CDH17: variants seen among roughly 807,000 people sequenced by gnomAD.
CDH17 encodes cadherin-17.
In CDH17, 67 loss-of-function variants were observed where a neutral mutation model predicts 86.3. The observed-to-expected ratio is 0.78, with a 90% confidence interval of 0.64 to 0.95. The LOEUF is 0.95. Among genes scored for constraint, CDH17 ranks in the 40% least tolerant of loss-of-function variants. CDH17 has a pLI of 0.00. For missense variants in CDH17, 993 were observed against 1,017.6 expected, an observed-to-expected ratio of 0.98 and a Z score of 0.33; for synonymous variants, 367 against 366.4, an observed-to-expected ratio of 1.00 and a Z score of -0.02.
At chr8:94,178,837 A>C (rs1813422084) in intron 3 of CDH17, among the ~76,000 whole-genome samples, 2 of 152,076 alleles carry the variant, frequency 1.3e-5, no homozygotes, top group South Asian at 4.1e-4. Context: ...TTGCTTGTTG[A>C]TATTATATTG....
At chr8:94,145,428 T>C (rs889055359) in intron 15 of CDH17, among the ~76,000 whole-genome samples, 5 of 152,090 alleles carry the variant, frequency 3.3e-5, no homozygotes, top group African/African-American at 1.2e-4. Context: ...ATGAAAACTA[T>C]AGTAATGGAA....
Position 94,181,661 on chromosome 8 carries a change from G to A in CDH17, c.151-3940C>T, listed in dbSNP as rs1311069895. 2.6e-5 allele frequency among the ~76,000 whole-genome samples: 4 copies of A among 151,502 alleles called. 1 individual carries two copies. The highest frequency in any genetic ancestry group is 2.6e-4 in the Admixed American group (4 of 15,202). On this transcript the variant is annotated intron_variant, in intron 3 of 17. Coordinates refer to ENST00000027335, the MANE Select transcript of CDH17 (RefSeq NM_004063.4). ...AGTACTTAGAGGAAAATCTATCACT[G>A]TAAATGTTCATACTTTACAAAGATG...
At chr8:94,148,620 T>C in intron 14 of CDH17, 124 bp downstream of exon 14, 1 of 666,092 alleles carries the variant, frequency 1.5e-6, no homozygotes, top group Admixed American at 3.5e-5. Context: ...TCCTTCCACT[T>C]TAAGGTTGTG....
At chr8:94,198,554 C>T (rs2130676611) in intron 1 of CDH17, among the ~76,000 whole-genome samples, 1 of 152,264 alleles carries the variant, frequency 6.6e-6, no homozygotes, top group South Asian at 2.1e-4. Context: ...AAAATATAGG[C>T]AATAATGACA....
chr8:94,149,885 C>T (rs986731558), intron 13 of CDH17, among the ~76,000 whole-genome samples: 3 of 152,168 alleles, frequency 2.0e-5, no homozygotes, highest in African/African-American at 7.2e-5. Flanking sequence ...AAAAGCAACA[C>T]ATCATAGTCA....
Position 94,152,039 on chromosome 8 carries a change from C to T in CDH17, c.1625G>A (p.Gly542Asp). Residue 542 changes from glycine to aspartate, a missense_variant, in exon 13 of 18, where the codon GGT becomes GAT. Gly to Asp is a moderately conservative substitution (Grantham distance 94). Transcript: ENST00000027335. ...KAENPEPLVF[G>D]VKYNASSFAK... ...AAAAGAACTTGCATTGTACTTCACA[C>T]CAAACACTAGAGGCTCAGGATTTTC... is the stretch of plus-strand genomic sequence containing the variant. 6.2e-7 allele frequency: 1 copy of T among 1,614,158 alleles called. No homozygotes were observed. The highest frequency in any genetic ancestry group is 8.5e-7 in the Non-Finnish European group (1 of 1,180,030).
chr8:94,159,991 C>T lies in CDH17; in HGVS notation c.1531G>A (p.Gly511Arg). 3.7e-6 allele frequency: 6 copies of T among 1,607,520 alleles called. No homozygotes were observed. The highest frequency in any genetic ancestry group is 1.1e-5 in the South Asian group (1 of 89,072). The part of the protein sequence containing the change: ...GVDTDPHTNT[G>R]YVIIKKPLDF... ...TTTACCTTTTTAATTATGACATATC[C>T]GGTGTTGGTATGGGGATCTGTGTCA... is the stretch of plus-strand genomic sequence containing the variant. Residue 511 changes from glycine to arginine, a missense_variant, in exon 12 of 18, where the codon GGA becomes AGA. Gly to Arg is a moderately radical substitution (Grantham distance 125). Transcript: ENST00000027335.
chr8:94,133,634 T>A (rs888755536), intron 15 of CDH17, among the ~76,000 whole-genome samples: 1 of 152,240 alleles, frequency 6.6e-6, no homozygotes, highest in Non-Finnish European at 1.5e-5. Context: ...CTTTTCCTAA[T>A]TGAATACCCT....
At chr8:94,172,968 A>G (rs1813297589) in intron 7 of CDH17, among the ~76,000 whole-genome samples, 1 of 152,144 alleles carries the variant, frequency 6.6e-6, no homozygotes, top group Non-Finnish European at 1.5e-5. Context: ...TAAGATGGGC[A>G]AGTCTATTGG....
chr8:94,193,184 T>C (rs1813719625), intron 2 of CDH17, among the ~76,000 whole-genome samples: 1 of 152,170 alleles, frequency 6.6e-6, no homozygotes, highest in Non-Finnish European at 1.5e-5. Context: ...AACCTTATTT[T>C]CACCTTTCAT....
intron 3 of CDH17, among the ~76,000 whole-genome samples, chr8:94,185,276 T>TACACACACACAC (rs71277462): frequency 6.6e-5 from 9 of 136,760 alleles, no homozygotes; most frequent in African/African-American, 2.4e-4. Flanking sequence ...CCTACCCCAA[T>TACACACACACAC]ACACACACAC....
intron 13 of CDH17, among the ~76,000 whole-genome samples, chr8:94,151,397 G>A (rs899518619): frequency 1.3e-5 from 2 of 152,172 alleles, no homozygotes; most frequent in Non-Finnish European, 2.9e-5. Flanking sequence ...TTGGAGCCAA[G>A]GAACCTATGT....
At chr8:94,148,040 G>C (rs1250070563) in intron 14 of CDH17, among the ~76,000 whole-genome samples, 1 of 152,176 alleles carries the variant, frequency 6.6e-6, no homozygotes, top group Non-Finnish European at 1.5e-5. Flanking sequence ...TACAATTTAA[G>C]GCTGAAGGAG....
At chr8:94,183,895 C>G (rs542980720) in intron 3 of CDH17, among the ~76,000 whole-genome samples, 3 of 151,982 alleles carry the variant, frequency 2.0e-5, no homozygotes, top group Middle Eastern at 3.4e-3. Context: ...TAAAAGTAGG[C>G]AAAGGATTTG....
rs770797386 is a variant in CDH17, at chr8:94,146,282, C to T, written c.1928-115G>A. The T allele has an allele frequency of 2.8e-5, 26 of 928,476 alleles. No individual in the cohort carries two copies. In the Admixed American group the frequency reaches 3.6e-4, roughly 13 times the overall value. 57.5% of individuals were successfully genotyped at this position (928,476 alleles called of 1,614,324 possible). ...TAGGTACACTGAGATGCTAGAAAGA[C>T]GACAAGCTTTTAGAATCAAAGACCT... On this transcript the variant is annotated intron_variant, in intron 14 of 17. Transcript: ENST00000027335.
intron 1 of CDH17, among the ~76,000 whole-genome samples, chr8:94,199,145 G>T (rs1424863416): frequency 6.8e-6 from 1 of 146,258 alleles, no homozygotes; most frequent in East Asian, 2.0e-4. Flanking sequence ...AATCCTTAAG[G>T]GCAGAGGCCT....
At chr8:94,167,155 A>G (rs1813173287) in intron 9 of CDH17, among the ~76,000 whole-genome samples, 1 of 152,136 alleles carries the variant, frequency 6.6e-6, no homozygotes, top group Non-Finnish European at 1.5e-5. Context: ...GATCCTCTCC[A>G]CCTTGCTGTA....
Position 94,174,226 on chromosome 8 carries a change from C to T in CDH17, c.459G>A (p.Leu153=), listed in dbSNP as rs1429548262. 1.2e-6 allele frequency: 2 copies of T among 1,613,062 alleles called. No homozygotes were observed. Among genetic ancestry groups the T allele is most frequent in the South Asian group, 1.1e-5 (1 of 91,022 alleles). Residue 153 remains leucine, a synonymous_variant, in exon 6 of 18, where the codon CTG becomes CTA. Transcript: ENST00000027335. ...GGCCATTGGGAGTGGCCGGATCATC[C>T]AGGTCTGTGGCATTGACATACAAGA... is the stretch of plus-strand genomic sequence containing the variant. ...KPFLYVNATD[L]DDPATPNGQL...
chr8:94,205,792 C>A (rs765571498), intron 1 of CDH17, among the ~76,000 whole-genome samples: 2 of 151,898 alleles, frequency 1.3e-5, no homozygotes, highest in Non-Finnish European at 2.9e-5. Context: ...TTGAACAACA[C>A]AATCATATAA....
Sources: gnomAD v4.1 joint callset for allele counts (sites outside exome capture counted in the v4.1 genomes callset) on GRCh38, gnomAD v4.1.1 for gene constraint, MANE v1.5 for transcripts, NCBI Gene and HGNC (gene_info 2026-07-23, HGNC 2026-07-21) for gene names.